The following NAB1 variants were observed in gnomAD, a reference collection of about 807,000 sequenced individuals.
The protein encoded by NAB1 is NGFI-A-binding protein 1.
NAB1 carries 25 observed loss-of-function variants against 49.9 expected under a neutral mutation model. The observed-to-expected ratio is 0.50, with a 90% CI of 0.37 to 0.70. The LOEUF (loss-of-function observed/expected upper bound fraction) is 0.70. Among genes scored for constraint, NAB1 ranks in the 30% least tolerant of loss-of-function variants. The pLI, the probability that NAB1 is intolerant of heterozygous loss-of-function variation, is 0.00. For missense variants in NAB1, 489 were observed against 575.9 expected (o/e 0.85, Z 1.54); for synonymous variants, 198 against 215.6 (o/e 0.92, Z 0.71).
intron 2 of NAB1, among the ~76,000 whole-genome samples, chr2:190,653,510 T>C (rs921367815): frequency 2.0e-5 from 3 of 152,206 alleles, no homozygotes; most frequent in African/African-American, 4.8e-5. Context: ...CATAAATAAG[T>C]CAGGCCTTAC....
intron 3 of NAB1, among the ~76,000 whole-genome samples, chr2:190,656,567 A>G (rs1469339113): frequency 2.0e-5 from 3 of 152,178 alleles, no homozygotes; most frequent in East Asian, 1.9e-4. Context: ...ACTTGGTCCT[A>G]TCAGTCTTTA....
At chr2:190,664,586 C>CTT (rs71027237) in intron 4 of NAB1, among the ~76,000 whole-genome samples, 722 of 61,138 alleles carry the variant, frequency 0.012, 119 homozygotes, top group Middle Eastern at 0.034. Context: ...TTCTTCTTTC[C>CTT]TTTTTTTTTT....
At chr2:190,687,392 CATCAAAA>C in intron 9 of NAB1, 75 bp downstream of exon 9, 5 of 391,568 alleles carry the variant, frequency 1.3e-5, no homozygotes, top group Non-Finnish European at 1.7e-5. Flanking sequence ...TTTCCTCCCC[CATCAAAA>C]AAAAAAAAAA....
rs1014172913 is a variant in NAB1, at chr2:190,679,792, G to C, written c.1006-3946G>C. On this transcript the variant is annotated intron_variant, in intron 6 of 9. Coordinates refer to ENST00000337386, the MANE Select transcript of NAB1 (RefSeq NM_005966.4). This position sits in a 1 kb window ranked among gnomAD's most constrained non-coding sequence, Gnocchi z 5.3. ...AAGTTCTTCCAGAAACAGTATTGAG[G>C]CATTGGGGCTCATGGGGATTCTGAT... Among the ~76,000 whole-genome samples the C allele has an allele frequency of 6.6e-6, 1 of 152,108 alleles. No homozygotes were observed. Among genetic ancestry groups the C allele is most frequent in the Non-Finnish European group, 1.5e-5 (1 of 68,018 alleles).
chr2:190,660,078 CA>C (rs1694143917), intron 4 of NAB1, 83 bp downstream of exon 4: 7 of 1,231,482 alleles, frequency 5.7e-6, no homozygotes, highest in Non-Finnish European at 8.1e-6. Context: ...TAGTTTGCCA[CA>C]AATGTGATAC....
intron 5 of NAB1, among the ~76,000 whole-genome samples, chr2:190,671,379 A>C (rs1469865682): frequency 6.6e-6 from 1 of 152,090 alleles, no homozygotes; most frequent in Non-Finnish European, 1.5e-5. Context: ...CAGCAGTTTC[A>C]TTTTCTGCCC....
chr2:190,655,241 G>A (rs944319219), intron 2 of NAB1, among the ~76,000 whole-genome samples: 8 of 152,166 alleles, frequency 5.3e-5, no homozygotes, highest in East Asian at 3.8e-4. Context: ...CAAAGTAGAC[G>A]TGTGTGAGAG....
At position 190,688,860 on chromosome 2, in the gene NAB1, G is replaced by C. The variant is rs761648545; in HGVS notation, c.1376-1385G>C. On this transcript the variant is annotated intron_variant, in intron 9 of 9. Coordinates refer to ENST00000337386, the MANE Select transcript of NAB1 (RefSeq NM_005966.4). The stretch of plus-strand genomic sequence containing the variant: ...TTCTTCCTTTCTTTTCTTTTTTTGA[G>C]ATGGAGTCTCGCTTTCTCGCCCAGG... Among the ~76,000 whole-genome samples the C allele has an allele frequency of 8.0e-5, 11 of 137,956 alleles. 1 individual carries two copies. The South Asian group carries it at 2.4e-3, about 30-fold the overall frequency. The allele number at this position is 137,956 out of a possible 152,430, so 90.5% of individuals were successfully genotyped here. A position where few individuals can be genotyped will look rare whatever the true frequency, so the allele number is the denominator to read the frequency against.
chr2:190,658,625 T>G (rs886307350), intron 3 of NAB1, among the ~76,000 whole-genome samples: 2 of 152,204 alleles, frequency 1.3e-5, no homozygotes, highest in Non-Finnish European at 2.9e-5. Context: ...CATACTGAAA[T>G]CTATCTTCCT....
intron 6 of NAB1, among the ~76,000 whole-genome samples, chr2:190,683,130 T>C (rs1695431072): frequency 6.6e-6 from 1 of 151,934 alleles, no homozygotes; most frequent in Non-Finnish European, 1.5e-5. Context: ...AGACAGAATC[T>C]CACTTTATCA....
chr2:190,649,102 C>G lies in NAB1; in HGVS notation c.-592C>G, dbSNP rs1362613678. ...GCCGCCGCCGCCGCCGCCCGCGCGC[C>G]GCAGCCTGGAGGAGCCGCCGCCGCC... On this transcript the variant is annotated 5_prime_UTR_variant, in exon 1 of 10. Transcript: ENST00000337386. The surrounding 1 kb of genome is among the most constrained non-coding windows in gnomAD (Gnocchi z 6.1). 7.7e-6 allele frequency: 1 copy of G among 130,138 alleles called. No homozygotes were observed. The highest frequency in any genetic ancestry group is 2.2e-4 in the South Asian group (1 of 4,472). 8.1% of individuals were successfully genotyped at this position (130,138 alleles called of 1,614,324 possible).
chr2:190,685,788 T>G lies in NAB1; in HGVS notation c.1258+150T>G, dbSNP rs1366032626. 1.4e-6 allele frequency: 1 copy of G among 695,078 alleles called. No individual in the cohort carries two copies. Among genetic ancestry groups the G allele is most frequent in the Non-Finnish European group, 2.1e-6 (1 of 481,594 alleles). 43.1% of individuals were successfully genotyped at this position (695,078 alleles called of 1,614,324 possible). On this transcript the variant is annotated intron_variant, in intron 8 of 9. Coordinates refer to ENST00000337386, the MANE Select transcript of NAB1 (RefSeq NM_005966.4). The surrounding 1 kb of genome is among the most constrained non-coding windows in gnomAD (Gnocchi z 4.5). The stretch of plus-strand genomic sequence containing the variant: ...AAATTATTTTTTGAATTCTTCATTT[T>G]TCTAAAAAGATAATTTATCCTGCAA...
chr2:190,661,984 T>C (rs1351204028), intron 4 of NAB1, among the ~76,000 whole-genome samples: 1 of 152,246 alleles, frequency 6.6e-6, no homozygotes, highest in Non-Finnish European at 1.5e-5. Context: ...ATGAGAATTT[T>C]GTATTTTTTC....
At chr2:190,671,769 C>CTTTTTTT (rs1177937369) in intron 5 of NAB1, among the ~76,000 whole-genome samples, 31 of 71,746 alleles carry the variant, frequency 4.3e-4, no homozygotes, top group East Asian at 1.5e-3. Flanking sequence ...TTCACCTTTC[C>CTTTTTTT]TTTTTTTTTT....
rs1694539076 is a variant in NAB1 at position 190,666,695 on chromosome 2, A to T, written c.820-3631A>T. Among the ~76,000 whole-genome samples the T allele has an allele frequency of 1.3e-5, 2 of 152,182 alleles. No homozygotes were observed. Among genetic ancestry groups the T allele is most frequent in the South Asian group, 4.1e-4 (2 of 4,828 alleles). ...GAGACAGAGTGAGACTCCATCTCAA[A>T]AAAAAAAGAAAAAGGAAGCGAACTT... On this transcript the variant is annotated intron_variant, in intron 4 of 9. Coordinates refer to ENST00000337386, the MANE Select transcript of NAB1 (RefSeq NM_005966.4). The surrounding 1 kb of genome is among the most constrained non-coding windows in gnomAD (Gnocchi z 5.6).
In NAB1 at chr2:190,670,972, G is replaced by A. The variant is rs2286895; in HGVS notation, c.953+513G>A. Among the ~76,000 whole-genome samples the A allele has an allele frequency of 0.2, 29,759 of 152,134 alleles. 3,586 individuals carry two copies. Among genetic ancestry groups the A allele is most frequent in the East Asian group, 0.46 (2,384 of 5,170 alleles). On this transcript the variant is annotated intron_variant, in intron 5 of 9. Transcript: ENST00000337386. The surrounding 1 kb of genome is among the most constrained non-coding windows in gnomAD (Gnocchi z 5.3). ...ATGGAACACAAGTTTGAAATAAAAC[G>A]TGATGTTAAAAAGCAATGGTGGTTT... is the stretch of plus-strand genomic sequence containing the variant.
rs1450112010 is a variant in NAB1, at chr2:190,652,218, C to A, written c.-197+2236C>A. On this transcript the variant is annotated intron_variant, in intron 2 of 9. Coordinates refer to ENST00000337386, the MANE Select transcript of NAB1 (RefSeq NM_005966.4). This position sits in a 1 kb window ranked among gnomAD's most constrained non-coding sequence, Gnocchi z 4.2. Reference sequence around the variant, plus strand: ...AGCTTTCAAAGAGTTTGTCATTTCTCAATACATTGTATTTAGGGGGTGACC... The same window carrying A: ...AGCTTTCAAAGAGTTTGTCATTTCTAAATACATTGTATTTAGGGGGTGACC... Among the ~76,000 whole-genome samples, 4 of 152,130 alleles carry A rather than the reference C, an allele frequency of 2.6e-5. No individual in the cohort carries two copies. Among genetic ancestry groups the A allele is most frequent in the Non-Finnish European group, 2.9e-5 (2 of 68,022 alleles).
chr2:190,659,626 A>G lies in NAB1; in HGVS notation c.450A>G (p.Leu150=), dbSNP rs1694113646. The G allele has an allele frequency of 2.5e-6, 4 of 1,614,152 alleles. No homozygotes were observed. Among genetic ancestry groups the G allele is most frequent in the Non-Finnish European group, 3.4e-6 (4 of 1,180,028 alleles). The change falls in exon 4 of 10, where the codon CTA becomes CTG. Residue 150 remains leucine (L), a synonymous_variant. Coordinates refer to ENST00000337386, the MANE Select transcript of NAB1 (RefSeq NM_005966.4). This position sits in a 1 kb window ranked among gnomAD's most constrained non-coding sequence, Gnocchi z 6.2. ...GQGKSDVVGS[L]ALQSVGESRL... ...GGAAGTCAGATGTGGTTGGGAGCCT[A>G]GCACTGCAGAGTGTTGGTGAGTCCA...
intron 3 of NAB1, 36 bp downstream of exon 3, chr2:190,656,189 C>T (rs1006686430): frequency 2.0e-5 from 3 of 152,222 alleles, no homozygotes; most frequent in African/African-American, 4.8e-5. Context: ...ATTTACAATA[C>T]TCTAAGCTAC....
Sources: gnomAD v4.1 joint callset for allele counts (sites outside exome capture counted in the v4.1 genomes callset) on GRCh38, gnomAD v4.1.1 for gene constraint, Gnocchi (gnomAD v3.1) non-coding constraint, MANE v1.5 for transcripts, NCBI Gene and HGNC (gene_info 2026-07-23, HGNC 2026-07-21) for gene names.